SCYGR8: variants seen among roughly 807,000 people sequenced by gnomAD.
SCYGR8 encodes small cysteine and glycine repeat-containing protein 8.
chr2:227,746,212 T>C (rs1190725795), exon 1 of SCYGR8: 1 of 398,706 alleles, frequency 2.5e-6, no homozygotes, highest in Non-Finnish European at 4.4e-6. Flanking sequence ...GAAGCAATGC[T>C]GCTGCTAGGT....
exon 1 of SCYGR8, chr2:227,746,062 T>G: frequency 2.5e-6 from 1 of 399,196 alleles, no homozygotes. Flanking sequence ...CTGCTGCCCC[T>G]GCTGCCGTGG....
chr2:227,745,920 CGGTGGTGGCTGT>C, exon 1 of SCYGR8: 1 of 413,032 alleles, frequency 2.4e-6, no homozygotes, highest in Non-Finnish European at 4.2e-6. Flanking sequence ...GTGGTGGCTG[CGGTGGTGGCTGT>C]GGTGGCTGCA....
chr2:227,746,151 G>A (rs1028396850), exon 1 of SCYGR8: 1 of 398,914 alleles, frequency 2.5e-6, no homozygotes, highest in African/African-American at 2.1e-5. Context: ...GTGGCTATGG[G>A]AAGGGCTGTT....
exon 1 of SCYGR8, chr2:227,745,981 G>A (rs1168583932): frequency 1.8e-5 from 7 of 379,556 alleles, no homozygotes; most frequent in Non-Finnish European, 2.7e-5. Context: ...TGGCTGCGGC[G>A]GTGGTGGCTG....
chr2:227,745,977 CGG>C lies in SCYGR8; in HGVS notation c.85_86del (p.Gly29ArgfsTer91). On this transcript the variant is annotated frameshift_variant, in exon 1 of 1. Coordinates refer to ENST00000641981, the Ensembl canonical transcript of SCYGR8. LOFTEE classifies it low-confidence loss of function (END_TRUNC). ...GTGGTGGTGGCTGCGGTGGTGGCTG[CGG>C]CGGTGGTGGCTGCGGTGGTGGCTGT... 6 of 10,542 alleles carry C rather than the reference CGG, an allele frequency of 5.7e-4. No homozygotes were observed. The highest frequency in any genetic ancestry group is 5.5e-3 in the Admixed American group (2 of 366). 0.7% of individuals were successfully genotyped at this position (10,542 alleles called of 1,614,324 possible).
At chr2:227,746,212 T>G in exon 1 of SCYGR8, 1 of 398,824 alleles carries the variant, frequency 2.5e-6, no homozygotes, top group Non-Finnish European at 4.4e-6. Context: ...GAAGCAATGC[T>G]GCTGCTAGGT....
At chr2:227,746,070 T>C (rs919769845) in exon 1 of SCYGR8, 18 of 399,120 alleles carry the variant, frequency 4.5e-5, no homozygotes, top group Admixed American at 8.8e-5. Flanking sequence ...CCTGCTGCCG[T>C]GGCTGCTGTG....
chr2:227,746,120 G>A (rs138828463), exon 1 of SCYGR8: 5,498 of 398,884 alleles, frequency 0.014, 239 homozygotes, highest in African/African-American at 0.1. Flanking sequence ...TGCTGCCGCC[G>A]CACCTGCAGC....
At chr2:227,746,035 G>A (rs1312667114) in exon 1 of SCYGR8, 1 of 399,188 alleles carries the variant, frequency 2.5e-6, no homozygotes, top group East Asian at 3.6e-5. Context: ...GTGCTACCGG[G>A]TGGGCTGCTG....
exon 1 of SCYGR8, chr2:227,745,975 TGCG>T (rs202062652): frequency 0.014 from 277 of 19,806 alleles, 1 homozygote; most frequent in South Asian, 0.12. Flanking sequence ...CGGTGGTGGC[TGCG>T]GCGGTGGTGG....
exon 1 of SCYGR8, chr2:227,746,069 G>C (rs142022077): frequency 7.5e-6 from 3 of 399,264 alleles, no homozygotes; most frequent in Non-Finnish European, 1.3e-5. Flanking sequence ...CCCTGCTGCC[G>C]TGGCTGCTGT....
At chr2:227,745,930 T>C in exon 1 of SCYGR8, 1 of 413,526 alleles carries the variant, frequency 2.4e-6, no homozygotes, top group Non-Finnish European at 4.2e-6. Flanking sequence ...CGGTGGTGGC[T>C]GTGGTGGCTG....
At chr2:227,746,166 G>A (rs141288389) in exon 1 of SCYGR8, 77 of 399,020 alleles carry the variant, frequency 1.9e-4, no homozygotes, top group Admixed American at 3.1e-4. Flanking sequence ...GCTGTTGCCA[G>A]CAGAAGGGAT....
exon 1 of SCYGR8, chr2:227,746,190 G>GTGCTGCTGCCAGAAGCAA (rs1447387642): frequency 2.5e-6 from 1 of 398,742 alleles, no homozygotes; most frequent in Admixed American, 4.4e-5. Context: ...GTCAGCAGAA[G>GTGCTGCTGCCAGAAGCAA]TGCTGCTGCC....
At chr2:227,746,025 G>T in exon 1 of SCYGR8, 2 of 399,456 alleles carry the variant, frequency 5.0e-6, no homozygotes, top group Non-Finnish European at 8.8e-6. Flanking sequence ...CCACCTGCAG[G>T]TGCTACCGGG....
At chr2:227,746,194 T>C in exon 1 of SCYGR8, 2 of 398,842 alleles carry the variant, frequency 5.0e-6, no homozygotes, top group Non-Finnish European at 8.8e-6. Flanking sequence ...GCAGAAGTGC[T>C]GCTGCCAGAA....
exon 1 of SCYGR8, chr2:227,746,147 A>G (rs752968967): frequency 3.8e-5 from 15 of 398,816 alleles, no homozygotes; most frequent in Non-Finnish European, 6.2e-5. Context: ...GGCTGTGGCT[A>G]TGGGAAGGGC....
chr2:227,746,108 G>GCTGCCGCAGCACTCCCGTGAT (rs1696826857), exon 1 of SCYGR8: 1 of 398,832 alleles, frequency 2.5e-6, no homozygotes, highest in Non-Finnish European at 4.4e-6. Flanking sequence ...CCCGTGATCT[G>GCTGCCGCAGCACTCCCGTGAT]CTGCTGCCGC....
exon 1 of SCYGR8, chr2:227,746,024 G>A (rs566277286): frequency 5.8e-5 from 23 of 399,682 alleles, no homozygotes; most frequent in African/African-American, 4.1e-4. Context: ...ACCACCTGCA[G>A]GTGCTACCGG....
Sources: allele counts gnomAD v4.1 joint callset, GRCh38; gene constraint gnomAD v4.1.1; transcripts MANE v1.5; gene names NCBI Gene and HGNC (gene_info 2026-07-23, HGNC 2026-07-21).